Variants in UTP18 observed in about 807,000 individuals in gnomAD.
UTP18 encodes the protein U3 small nucleolar RNA-associated protein 18 homolog.
UTP18 carries 36 observed loss-of-function variants against 61.1 expected under a neutral mutation model. The observed-to-expected ratio is 0.59, with a 90% CI of 0.45 to 0.78. UTP18 has a LOEUF of 0.78. Among genes scored for constraint, UTP18 ranks in the 30% least tolerant of loss-of-function variants. The pLI, the probability that UTP18 is intolerant of heterozygous loss-of-function variation, is 0.00. For synonymous variants in UTP18, 282 were observed against 251.1 expected, an observed-to-expected ratio of 1.12 and a Z score of -1.16; for missense variants, 753 against 693.9, an observed-to-expected ratio of 1.09 and a Z score of -0.96.
At chr17:51,267,564 C>G (rs1468104091) in intron 3 of UTP18, among the ~76,000 whole-genome samples, 1 of 146,284 alleles carries the variant, frequency 6.8e-6, no homozygotes, top group Admixed American at 6.9e-5. Context: ...ATTATTTTTT[C>G]TTTGTGTTGT....
At chr17:51,295,008 G>C (rs1419439694) in intron 12 of UTP18, among the ~76,000 whole-genome samples, 1 of 151,674 alleles carries the variant, frequency 6.6e-6, no homozygotes, top group Non-Finnish European at 1.5e-5. Flanking sequence ...CTTCTTTTGA[G>C]AAGTGTCTGT....
intron 11 of UTP18, among the ~76,000 whole-genome samples, chr17:51,291,403 C>T (rs1267683831): frequency 6.6e-6 from 1 of 151,896 alleles, no homozygotes; most frequent in Non-Finnish European, 1.5e-5. Context: ...AAACAATTCC[C>T]CTCCTTTTCC....
At chr17:51,271,647 C>T (rs1904535034) in intron 4 of UTP18, among the ~76,000 whole-genome samples, 1 of 152,068 alleles carries the variant, frequency 6.6e-6, no homozygotes, top group Non-Finnish European at 1.5e-5. Flanking sequence ...TTAAAAACAT[C>T]TATTGGAGGC....
chr17:51,271,706 C>T lies in UTP18; in HGVS notation c.623-1656C>T, dbSNP rs112298710. On this transcript the variant is annotated intron_variant, in intron 4 of 13. Coordinates refer to ENST00000225298, the MANE Select transcript of UTP18 (RefSeq NM_016001.3). ...ATTTTTTGAGTTAGTCTTGCTCTGT[C>T]GTGTAGGCTGGAGTGCAGTGGCACT... 5.0e-3 allele frequency among the ~76,000 whole-genome samples: 754 copies of T among 152,270 alleles called. 4 individuals carry two copies. Among genetic ancestry groups the T allele is most frequent in the Non-Finnish European group, 8.1e-3 (554 of 68,024 alleles).
chr17:51,291,738 CAAAAAAAAAAA>C (rs373296052), intron 11 of UTP18, among the ~76,000 whole-genome samples: 2 of 97,022 alleles, frequency 2.1e-5, no homozygotes, highest in South Asian at 6.8e-4. Flanking sequence ...GACTTGATCT[CAAAAAAAAAAA>C]AAAAGAAAAG....
At position 51,260,801 on chromosome 17, in the gene UTP18, C is replaced by T. The variant is rs1318441942; in HGVS notation, c.217C>T (p.Arg73Trp). ...GGCGGCGGAGGAAGAGAGACGGCTC[C>T]GGCAGCGGAACCGCCTGAGGCTGGA... ...VAAAEEERRL[R>W]QRNRLRLEED... Residue 73 changes from arginine to tryptophan, a missense_variant, in exon 1 of 14, where the codon CGG becomes TGG. Transcript: ENST00000225298. 5 of 1,582,788 alleles carry T rather than the reference C, an allele frequency of 3.2e-6. No individual in the cohort carries two copies. The highest frequency in any genetic ancestry group is 2.3e-5 in the South Asian group (2 of 87,532).
At position 51,289,198 on chromosome 17, in the gene UTP18, TTG is replaced by T. The variant is rs1261235197; in HGVS notation, c.1503+997_1503+998del. 6.9e-3 allele frequency among the ~76,000 whole-genome samples: 641 copies of T among 92,838 alleles called. 7 individuals carry two copies. The highest frequency in any genetic ancestry group is 0.028 in the African/African-American group (511 of 18,268). The allele number at this position is 92,838 out of a possible 152,430, so 60.9% of individuals were successfully genotyped here. ...TTGTAAGCAGACCTTTCTGTTTTTTTTGTTTTTTTTTTTTTTGAGACCAAGTC... is the reference window on the plus strand; with the variant it reads ...TTGTAAGCAGACCTTTCTGTTTTTTTTTTTTTTTTTTTTTGAGACCAAGTC... On this transcript the variant is annotated intron_variant, in intron 11 of 13. Transcript: ENST00000225298.
At chr17:51,268,076 C>G (rs372336254) in intron 3 of UTP18, among the ~76,000 whole-genome samples, 1 of 143,202 alleles carries the variant, frequency 7.0e-6, no homozygotes, top group Non-Finnish European at 1.5e-5. Flanking sequence ...GCGGCGTGAT[C>G]GCGGCTCACT....
At chr17:51,261,386 A>G (rs116176997) in intron 1 of UTP18, among the ~76,000 whole-genome samples, 101 of 152,352 alleles carry the variant, frequency 6.6e-4, no homozygotes, top group African/African-American at 2.4e-3. Flanking sequence ...TGTTTTGAGA[A>G]TGATCGTGTA....
intron 4 of UTP18, among the ~76,000 whole-genome samples, chr17:51,270,399 A>G (rs1427465546): frequency 6.6e-6 from 1 of 152,186 alleles, no homozygotes; most frequent in Non-Finnish European, 1.5e-5. Context: ...CTCCTGGATG[A>G]AACATAATTT....
intron 9 of UTP18, among the ~76,000 whole-genome samples, chr17:51,283,160 C>T (rs1358868370): frequency 6.0e-5 from 9 of 150,142 alleles, no homozygotes; most frequent in African/African-American, 9.8e-5. Context: ...TGAGCCACCG[C>T]GCCCAGCCAC....
intron 3 of UTP18, 131 bp from the exon 4 acceptor site, chr17:51,268,706 G>T (rs1904395920): frequency 1.4e-6 from 1 of 710,450 alleles, no homozygotes; most frequent in Admixed American, 2.4e-5. Context: ...TGTTCTTAAA[G>T]ATAGTTACTT....
At chr17:51,261,914 C>T (rs2055499283) in intron 1 of UTP18, among the ~76,000 whole-genome samples, 1 of 152,070 alleles carries the variant, frequency 6.6e-6, no homozygotes, top group South Asian at 2.1e-4. Context: ...TGGAAACATG[C>T]TGAACTGTGC....
chr17:51,297,246 C>T (rs1905391377), intron 13 of UTP18, among the ~76,000 whole-genome samples: 1 of 152,158 alleles, frequency 6.6e-6, no homozygotes, highest in Non-Finnish European at 1.5e-5. Context: ...ATGTTGCATT[C>T]AATAATTCTC....
At chr17:51,262,584 A>G (rs1461409909) in intron 1 of UTP18, among the ~76,000 whole-genome samples, 9 of 152,110 alleles carry the variant, frequency 5.9e-5, no homozygotes, top group Non-Finnish European at 1.2e-4. Flanking sequence ...TCACAGATAA[A>G]TTACACCTGC....
chr17:51,282,261 A>G (rs1453395771), intron 9 of UTP18, among the ~76,000 whole-genome samples: 1 of 152,242 alleles, frequency 6.6e-6, no homozygotes, highest in African/African-American at 2.4e-5. Context: ...CATTAATAAA[A>G]TTAATAGCAT....
At chr17:51,278,535 AGT>A (rs1185092300) in intron 7 of UTP18, among the ~76,000 whole-genome samples, 1 of 152,180 alleles carries the variant, frequency 6.6e-6, no homozygotes, top group Non-Finnish European at 1.5e-5. Flanking sequence ...GGTGGGCAGG[AGT>A]GTGTGTCCAG....
At chr17:51,294,641 A>G (rs1325383526) in intron 12 of UTP18, among the ~76,000 whole-genome samples, 3 of 152,150 alleles carry the variant, frequency 2.0e-5, no homozygotes, top group African/African-American at 7.2e-5. Flanking sequence ...TCTATTGTGA[A>G]TAGTGCCGCA....
intron 5 of UTP18, 102 bp downstream of exon 5, chr17:51,273,552 T>A: frequency 1.3e-6 from 1 of 773,074 alleles, no homozygotes; most frequent in Non-Finnish European, 2.0e-6. Context: ...TCTGTGGGGT[T>A]AAATATGTTT....
Sources: allele counts gnomAD v4.1 joint callset (sites outside exome capture counted in the v4.1 genomes callset), GRCh38; gene constraint gnomAD v4.1.1; transcripts MANE v1.5; gene names NCBI Gene and HGNC (gene_info 2026-07-23, HGNC 2026-07-21).